The following SPOCK3 variants were observed in gnomAD, a reference collection of about 807,000 sequenced individuals.
SPOCK3 encodes the protein testican-3.
In SPOCK3, 30 loss-of-function variants were observed where a neutral mutation model predicts 56.6. The ratio of observed to expected loss-of-function variants is 0.53; its 90% CI spans 0.40 to 0.72. The LOEUF (loss-of-function observed/expected upper bound fraction) is 0.72. SPOCK3 is among the 30% of genes least tolerant of loss of function. The pLI is 0.00. For missense variants in SPOCK3, 527 were observed against 530.0 expected (o/e 0.99, Z 0.06); for synonymous variants, 196 against 183.3 (o/e 1.07, Z -0.56).
At chr4:167,078,605 G>A (rs183077288) in intron 2 of SPOCK3, among the ~76,000 whole-genome samples, 34 of 151,684 alleles carry the variant, frequency 2.2e-4, no homozygotes, top group African/African-American at 7.5e-4. Flanking sequence ...TACCTAGAGA[G>A]AGTTCAGGTA....
At chr4:166,873,686 C>T (rs1226903249) in intron 6 of SPOCK3, among the ~76,000 whole-genome samples, 1 of 152,064 alleles carries the variant, frequency 6.6e-6, no homozygotes, top group Non-Finnish European at 1.5e-5. Flanking sequence ...CTTTAAGATT[C>T]CCTGTTACTA....
chr4:166,889,484 T>C (rs1244197096), intron 5 of SPOCK3, among the ~76,000 whole-genome samples: 1 of 151,940 alleles, frequency 6.6e-6, no homozygotes, highest in Admixed American at 6.6e-5. Context: ...CACTGAGAAA[T>C]ATAATAGGTT....
chr4:167,156,190 C>G (rs943959659), intron 2 of SPOCK3, among the ~76,000 whole-genome samples: 1 of 152,106 alleles, frequency 6.6e-6, no homozygotes, highest in Non-Finnish European at 1.5e-5. Context: ...TTTACATATA[C>G]AGCAAAATCT....
intron 2 of SPOCK3, among the ~76,000 whole-genome samples, chr4:167,228,325 AC>A (rs1453612329): frequency 1.3e-5 from 2 of 152,158 alleles, no homozygotes; most frequent in African/African-American, 4.8e-5. Flanking sequence ...TGTTTCTCTT[AC>A]TTACACTTTT....
intron 7 of SPOCK3, among the ~76,000 whole-genome samples, chr4:166,782,405 A>C (rs1188495056): frequency 6.6e-6 from 1 of 152,212 alleles, no homozygotes; most frequent in Non-Finnish European, 1.5e-5. Flanking sequence ...AAAAGTACTC[A>C]CTAAAGTAAG....
chr4:167,086,091 C>T (rs1471336567), intron 2 of SPOCK3, among the ~76,000 whole-genome samples: 1 of 151,740 alleles, frequency 6.6e-6, no homozygotes, highest in Non-Finnish European at 1.5e-5. Flanking sequence ...TCTGTTTCAA[C>T]CATTTTTCAA....
intron 4 of SPOCK3, among the ~76,000 whole-genome samples, chr4:166,962,615 A>G (rs1744260507): frequency 6.6e-6 from 1 of 152,090 alleles, no homozygotes. Flanking sequence ...ATTTTCTTTG[A>G]ATTTGTATCT....
At position 166,926,481 on chromosome 4, in the gene SPOCK3, T is replaced by A. The variant is rs558124411; in HGVS notation, c.351-13738A>T. On this transcript the variant is annotated intron_variant, in intron 4 of 10. Transcript: ENST00000357545. ...GCTATTCAGATCCCGCTTGAAATAA[T>A]TCAATGGGAAGGTTTGATACCTGGG... 2.0e-5 allele frequency among the ~76,000 whole-genome samples: 3 copies of A among 152,186 alleles called. No homozygotes were observed. In the East Asian group the frequency reaches 5.8e-4, roughly 29 times the overall value.
At chr4:167,000,713 C>A (rs2150128160) in intron 3 of SPOCK3, among the ~76,000 whole-genome samples, 1 of 152,240 alleles carries the variant, frequency 6.6e-6, no homozygotes, top group Non-Finnish European at 1.5e-5. Flanking sequence ...AATGTGTTAT[C>A]AAAATAGAAA....
rs186184484 is a variant in SPOCK3 at position 167,131,283 on chromosome 4, A to G, written c.190-68746T>C. ...AACCAAAGATAAAATGTGCTACACT[A>G]TGACATCAAAAACTAGGAGTAGGAC... is the stretch of plus-strand genomic sequence containing the variant. On this transcript the variant is annotated intron_variant, in intron 2 of 10. Coordinates refer to ENST00000357545, the MANE Select transcript of SPOCK3 (RefSeq NM_001040159.2). Among the ~76,000 whole-genome samples, 467 of 152,226 alleles carry G rather than the reference A, an allele frequency of 3.1e-3. 15 individuals carry two copies. The highest frequency in any genetic ancestry group is 0.027 in the Admixed American group (409 of 15,286).
intron 3 of SPOCK3, among the ~76,000 whole-genome samples, chr4:167,011,948 T>G (rs917576857): frequency 6.6e-6 from 1 of 152,012 alleles, no homozygotes; most frequent in African/African-American, 2.4e-5. Flanking sequence ...TTTAATATTT[T>G]TGTGTGTGAT....
chr4:166,805,580 C>CA (rs1188951396), intron 6 of SPOCK3, among the ~76,000 whole-genome samples: 2 of 151,982 alleles, frequency 1.3e-5, no homozygotes, highest in African/African-American at 4.8e-5. Context: ...AGACAGTAAT[C>CA]AAAAAATGCA....
chr4:167,084,331 C>G (rs1757991235), intron 2 of SPOCK3, among the ~76,000 whole-genome samples: 1 of 151,938 alleles, frequency 6.6e-6, no homozygotes, highest in African/African-American at 2.4e-5. Flanking sequence ...GAAACTATTG[C>G]ATATTTTTTC....
At chr4:167,048,495 G>A (rs1379790705) in intron 3 of SPOCK3, among the ~76,000 whole-genome samples, 3 of 152,036 alleles carry the variant, frequency 2.0e-5, no homozygotes, top group African/African-American at 7.2e-5. Context: ...CCTGACAACT[G>A]TATAAAACTG....
At chr4:167,053,116 G>T (rs964313170) in intron 3 of SPOCK3, among the ~76,000 whole-genome samples, 2 of 152,132 alleles carry the variant, frequency 1.3e-5, no homozygotes, top group African/African-American at 4.8e-5. Context: ...TGGAAAAAAT[G>T]ATGGGAGTCA....
intron 6 of SPOCK3, among the ~76,000 whole-genome samples, chr4:166,863,814 A>G (rs937202606): frequency 1.2e-4 from 18 of 152,184 alleles, no homozygotes; most frequent in African/African-American, 4.3e-4. Context: ...AAAGAGACTT[A>G]GACTCCTACA....
At chr4:167,171,041 G>T (rs1159626551) in intron 2 of SPOCK3, among the ~76,000 whole-genome samples, 2 of 152,032 alleles carry the variant, frequency 1.3e-5, no homozygotes, top group African/African-American at 4.8e-5. Context: ...ATCAAGAGGA[G>T]AGTAACTTTC....
chr4:167,027,380 T>C (rs1751793054), intron 3 of SPOCK3, among the ~76,000 whole-genome samples: 2 of 152,184 alleles, frequency 1.3e-5, no homozygotes, highest in South Asian at 4.1e-4. Flanking sequence ...CCTGATATTT[T>C]CTTGGGAAAT....
chr4:167,084,927 T>G (rs1321510232), intron 2 of SPOCK3, among the ~76,000 whole-genome samples: 1 of 151,984 alleles, frequency 6.6e-6, no homozygotes, highest in Non-Finnish European at 1.5e-5. Flanking sequence ...CCCTGGAAAT[T>G]CAGTTTGACA....
Sources: allele counts gnomAD v4.1 joint callset (sites outside exome capture counted in the v4.1 genomes callset), GRCh38; gene constraint gnomAD v4.1.1; transcripts MANE v1.5; gene names NCBI Gene and HGNC (gene_info 2026-07-23, HGNC 2026-07-21).